PLEKHH2: variants seen among roughly 807,000 people sequenced by gnomAD.
PLEKHH2 encodes pleckstrin homology, MyTH4 and FERM domain containing H2, also known as pleckstrin homology domain-containing family H member 2.
Under a neutral mutation model 187.9 loss-of-function variants are expected in PLEKHH2, and 129 were observed. That is an observed-to-expected ratio of 0.69 (90% CI 0.59 to 0.79). PLEKHH2 has a LOEUF of 0.79. Among genes scored for constraint, PLEKHH2 ranks in the 30% least tolerant of loss-of-function variants. The pLI is 0.00. For missense variants in PLEKHH2, 2,076 were observed against 1,751.2 expected, an observed-to-expected ratio of 1.19 and a Z score of -3.31; for synonymous variants, 686 against 605.6, an observed-to-expected ratio of 1.13 and a Z score of -1.95.
intron 2 of PLEKHH2, among the ~76,000 whole-genome samples, chr2:43,652,003 G>C (rs17031173): frequency 0.014 from 2,111 of 152,244 alleles, 51 homozygotes; most frequent in African/African-American, 0.049. Context: ...CACCTGCAAA[G>C]TAAACTGACA....
chr2:43,719,544 A>G (rs946734467), intron 15 of PLEKHH2, among the ~76,000 whole-genome samples: 5 of 152,120 alleles, frequency 3.3e-5, no homozygotes, highest in African/African-American at 7.2e-5. Flanking sequence ...GTTTCAAGCA[A>G]TTCTCCTGTC....
intron 6 of PLEKHH2, among the ~76,000 whole-genome samples, chr2:43,696,487 C>CAAA (rs11380251): frequency 2.7e-5 from 3 of 112,748 alleles, no homozygotes; most frequent in African/African-American, 3.5e-5. Context: ...CACCCTGTCT[C>CAAA]AAAAAAAAAA....
chr2:43,644,401 T>C (rs1404641762), intron 1 of PLEKHH2, among the ~76,000 whole-genome samples: 1 of 152,046 alleles, frequency 6.6e-6, no homozygotes, highest in Non-Finnish European at 1.5e-5. Context: ...CCCCCTTTTC[T>C]GGATTGGCTA....
intron 24 of PLEKHH2, among the ~76,000 whole-genome samples, chr2:43,750,828 G>A (rs1023587079): frequency 7.2e-5 from 11 of 152,172 alleles, no homozygotes; most frequent in Non-Finnish European, 1.5e-4. Flanking sequence ...GCCAAGACTT[G>A]TTTGAAGCCT....
chr2:43,759,007 G>A lies in PLEKHH2; in HGVS notation c.4049G>A (p.Gly1350Asp), dbSNP rs761004167. 6.2e-7 allele frequency: 1 copy of A among 1,612,456 alleles called. No homozygotes were observed. The highest frequency in any genetic ancestry group is 8.5e-7 in the Non-Finnish European group (1 of 1,178,812). ...GTAGCCAGGAAGTGGCCATTCTTTG[G>A]TGCCAAGTTGTTTCTTGCAAAAGTA... ...LTVARKWPFF[G>D]AKLFLAKPIT... The change falls in exon 27 of 30, where the codon GGT becomes GAT. Residue 1350 changes from glycine (G) to aspartate (D), a missense_variant. Coordinates refer to ENST00000282406, the MANE Select transcript of PLEKHH2 (RefSeq NM_172069.4).
chr2:43,726,123 T>TC, intron 16 of PLEKHH2, 149 bp from the exon 17 acceptor site: 1 of 477,754 alleles, frequency 2.1e-6, no homozygotes, highest in East Asian at 3.6e-5. Flanking sequence ...CAACCCTGTC[T>TC]CAAAAAAAAA....
chr2:43,698,148 T>C (rs192509067), intron 7 of PLEKHH2, among the ~76,000 whole-genome samples: 1 of 152,260 alleles, frequency 6.6e-6, no homozygotes, highest in East Asian at 1.9e-4. Flanking sequence ...GTTGTCTCTA[T>C]GCTTGGTTAT....
At chr2:43,762,530 C>A in intron 28 of PLEKHH2, 140 bp downstream of exon 28, 1 of 583,508 alleles carries the variant, frequency 1.7e-6, no homozygotes, top group Non-Finnish European at 3.0e-6. Context: ...CATGAACAGT[C>A]ATTTTACAAA....
intron 15 of PLEKHH2, among the ~76,000 whole-genome samples, chr2:43,715,838 T>C (rs1447252407): frequency 6.6e-6 from 1 of 152,116 alleles, no homozygotes; most frequent in Non-Finnish European, 1.5e-5. Flanking sequence ...AGAAGAGTGC[T>C]GGAGGGCTGG....
At chr2:43,725,987 A>C (rs1670722201) in intron 16 of PLEKHH2, among the ~76,000 whole-genome samples, 1 of 151,732 alleles carries the variant, frequency 6.6e-6, no homozygotes, top group South Asian at 2.1e-4. Flanking sequence ...GCATGGTGGC[A>C]TGTGCCTGTA....
chr2:43,754,063 T>C (rs1465632934), intron 25 of PLEKHH2, among the ~76,000 whole-genome samples: 1 of 150,804 alleles, frequency 6.6e-6, no homozygotes, highest in Non-Finnish European at 1.5e-5. Flanking sequence ...GAAGATGTCA[T>C]GCTGAAATCG....
chr2:43,738,285 G>A (rs565519332), intron 19 of PLEKHH2, 56 bp from the exon 20 acceptor site: 1 of 1,364,698 alleles, frequency 7.3e-7, no homozygotes, highest in Non-Finnish European at 1.0e-6. Flanking sequence ...TATAATTCAT[G>A]CAGAATAAAT....
chr2:43,638,452 C>T (rs1041994572), intron 1 of PLEKHH2, among the ~76,000 whole-genome samples: 2 of 152,112 alleles, frequency 1.3e-5, no homozygotes, highest in Admixed American at 6.5e-5. Flanking sequence ...AACAGGAAGT[C>T]AGAGATTCAG....
intron 2 of PLEKHH2, among the ~76,000 whole-genome samples, chr2:43,666,288 C>A (rs934269764): frequency 6.6e-6 from 1 of 151,290 alleles, no homozygotes; most frequent in Non-Finnish European, 1.5e-5. Flanking sequence ...ACTCCCTGAC[C>A]CCTTGCGCTT....
chr2:43,710,584 CTTTTTTT>C lies in PLEKHH2; in HGVS notation c.2301+27_2301+33del, dbSNP rs376851824. Reference sequence around the variant, plus strand: ...ACAAACAAACAGTTCAGGTACTTAACTTTTTTTTTTTTTTTTTTTTTTTTGTATCATG... The same window carrying C: ...ACAAACAAACAGTTCAGGTACTTAACTTTTTTTTTTTTTTTTTGTATCATG... On this transcript the variant is annotated intron_variant, in intron 14 of 29. Coordinates refer to ENST00000282406, the MANE Select transcript of PLEKHH2 (RefSeq NM_172069.4). 516 of 1,242,174 alleles carry C rather than the reference CTTTTTTT, an allele frequency of 4.2e-4. No individual in the cohort carries two copies. Among genetic ancestry groups the C allele is most frequent in the East Asian group, 1.6e-3 (55 of 33,348 alleles). 76.9% of individuals were successfully genotyped at this position (1,242,174 alleles called of 1,614,324 possible). A position where few individuals can be genotyped will look rare whatever the true frequency, so the allele number is the denominator to read the frequency against.
intron 10 of PLEKHH2, 145 bp from the exon 11 acceptor site, chr2:43,707,256 C>T: frequency 1.5e-6 from 1 of 655,718 alleles, no homozygotes; most frequent in Non-Finnish European, 2.4e-6. Flanking sequence ...TTTCTGTTAT[C>T]TAAAAAGAGT....
At chr2:43,759,076 A>G (rs755898928) in intron 27 of PLEKHH2, 47 bp downstream of exon 27, 4 of 1,574,440 alleles carry the variant, frequency 2.5e-6, no homozygotes, top group East Asian at 2.3e-5. Flanking sequence ...CTTTGTGTAC[A>G]TAGTTGACCA....
rs148152893 is a variant in PLEKHH2, at chr2:43,700,114, C to A, written c.1156C>A (p.Leu386Met). 3.1e-4 allele frequency: 504 copies of A among 1,613,980 alleles called. No individual in the cohort carries two copies. Among genetic ancestry groups the A allele is most frequent in the Non-Finnish European group, 4.1e-4 (482 of 1,180,010 alleles). ...KKEQDSSSDE[L>M]NKKFQSQRLD... ...GGAACAAGATAGTTCCTCGGATGAA[C>A]TGAATAAAAAATTTCAATCCCAGAG... The change falls in exon 8 of 30, where the codon CTG (leucine) becomes ATG (methionine). Residue 386 changes from leucine to methionine, a missense_variant. Transcript: ENST00000282406.
At chr2:43,674,313 G>A (rs893208699) in intron 2 of PLEKHH2, among the ~76,000 whole-genome samples, 3 of 152,100 alleles carry the variant, frequency 2.0e-5, no homozygotes, top group African/African-American at 4.8e-5. Flanking sequence ...TCCAGGCTAA[G>A]TAAGGCTCCA....
Sources: allele counts gnomAD v4.1 joint callset (sites outside exome capture counted in the v4.1 genomes callset), GRCh38; gene constraint gnomAD v4.1.1; transcripts MANE v1.5; gene names NCBI Gene and HGNC (gene_info 2026-07-23, HGNC 2026-07-21).